Variants in RNFT2 observed in about 807,000 individuals in gnomAD.
RNFT2 encodes ring finger protein, transmembrane 2.
Under a neutral mutation model 53.0 loss-of-function variants are expected in RNFT2, and 36 were observed. That is an observed-to-expected ratio of 0.68 (90% CI 0.52 to 0.90). The LOEUF is 0.90. Among genes scored for constraint, RNFT2 ranks in the 40% least tolerant of loss-of-function variants. The pLI is 0.00. For missense variants in RNFT2, 514 were observed against 585.6 expected (o/e 0.88, Z 1.26); for synonymous variants, 260 against 253.2 (o/e 1.03, Z -0.26).
At chr12:116,777,790 C>T (rs894061554) in intron 6 of RNFT2, among the ~76,000 whole-genome samples, 20 of 152,282 alleles carry the variant, frequency 1.3e-4, no homozygotes, top group African/African-American at 4.6e-4. Context: ...CATGAGAACC[C>T]TGAGGCTTCC....
chr12:116,750,830 A>T (rs11832385), intron 4 of RNFT2, among the ~76,000 whole-genome samples: 5 of 1,502 alleles, frequency 3.3e-3, no homozygotes, highest in African/African-American at 4.0e-3. Context: ...TATATATATA[A>T]TATATATATT....
intron 3 of RNFT2, among the ~76,000 whole-genome samples, chr12:116,747,779 A>T (rs1445637520): frequency 6.6e-6 from 1 of 152,014 alleles, no homozygotes; most frequent in Non-Finnish European, 1.5e-5. Flanking sequence ...AGGGTGAGAG[A>T]AGGAGGGAGT....
intron 7 of RNFT2, among the ~76,000 whole-genome samples, chr12:116,808,445 C>T (rs939867565): frequency 6.6e-6 from 1 of 152,150 alleles, no homozygotes; most frequent in East Asian, 1.9e-4. Flanking sequence ...CACTCTGCCC[C>T]CTGGGAGACT....
chr12:116,845,795 C>T (rs1350180585), intron 10 of RNFT2, among the ~76,000 whole-genome samples: 1 of 152,060 alleles, frequency 6.6e-6, no homozygotes, highest in Admixed American at 6.6e-5. Context: ...CTCTCCTTTC[C>T]CCAATCCCTC....
intron 10 of RNFT2, among the ~76,000 whole-genome samples, chr12:116,836,878 C>A (rs1019362144): frequency 6.6e-6 from 1 of 151,684 alleles, no homozygotes; most frequent in African/African-American, 2.4e-5. Flanking sequence ...TGCAGTGAGC[C>A]GAGGTCATGC....
intron 5 of RNFT2, among the ~76,000 whole-genome samples, chr12:116,756,307 T>G (rs1038084746): frequency 7.2e-6 from 1 of 138,648 alleles, no homozygotes; most frequent in Non-Finnish European, 1.6e-5. Context: ...ATTCCTAAGG[T>G]TTTTTTTTGT....
Position 116,777,543 on chromosome 12 carries a change from T to G in RNFT2, c.729-1652T>G, listed in dbSNP as rs143052631. 1.3e-3 allele frequency among the ~76,000 whole-genome samples: 193 copies of G among 152,316 alleles called. 1 individual carries two copies. The highest frequency in any genetic ancestry group is 3.7e-3 in the Admixed American group (56 of 15,296). On this transcript the variant is annotated intron_variant, in intron 6 of 10. Transcript: ENST00000257575. ...TAGAGTATGGATGGAGAACTGTAAC[T>G]GCAGCCAGGATGTCTGGGTTCCAGG...
rs891261705 is a variant in RNFT2, at chr12:116,851,452, C to T, written c.*2004C>T. On this transcript the variant is annotated 3_prime_UTR_variant, in exon 11 of 11. Transcript: ENST00000257575. ...GCAGACACGGTCTTCTAAAAGCACA[C>T]GAGAGGCCGGGTGTGGTGGCCCATG... The T allele has an allele frequency of 1.3e-5, 5 of 395,162 alleles. No homozygotes were observed. Among genetic ancestry groups the T allele is most frequent in the East Asian group, 5.4e-5 (1 of 18,460 alleles). 24.5% of individuals were successfully genotyped at this position (395,162 alleles called of 1,614,324 possible).
At chr12:116,835,174 AAGAAACTGAGGTTCAGGGAGGTT>A (rs1384101718) in intron 8 of RNFT2, among the ~76,000 whole-genome samples, 2 of 152,136 alleles carry the variant, frequency 1.3e-5, no homozygotes, top group East Asian at 1.9e-4. Context: ...TTTACAGGTT[AAGAAACTGAGGTTCAGGGAGGTT>A]AGAAACTGAG....
At chr12:116,804,940 C>G (rs775038321) in intron 7 of RNFT2, among the ~76,000 whole-genome samples, 24 of 152,188 alleles carry the variant, frequency 1.6e-4, no homozygotes, top group Non-Finnish European at 2.5e-4. Context: ...GCACTCCATC[C>G]TGGGTGATGA....
intron 4 of RNFT2, among the ~76,000 whole-genome samples, chr12:116,750,881 T>TC (rs1438371204): frequency 1.1e-5 from 1 of 93,080 alleles, no homozygotes; most frequent in East Asian, 2.9e-4. Flanking sequence ...AATATATATA[T>TC]TATATATATA....
At chr12:116,823,041 A>G (rs79368525) in intron 7 of RNFT2, among the ~76,000 whole-genome samples, 5,762 of 152,238 alleles carry the variant, frequency 0.038, 167 homozygotes, top group African/African-American at 0.074. Context: ...ACAACTAGAG[A>G]ACTAGAGAAG....
intron 7 of RNFT2, among the ~76,000 whole-genome samples, chr12:116,795,087 A>G (rs1164137316): frequency 4.6e-5 from 7 of 151,820 alleles, no homozygotes; most frequent in African/African-American, 1.7e-4. Flanking sequence ...ATTATTAAAC[A>G]TTTGATGTGT....
intron 7 of RNFT2, among the ~76,000 whole-genome samples, chr12:116,798,105 T>C (rs1213345591): frequency 2.6e-5 from 4 of 152,036 alleles, no homozygotes; most frequent in Admixed American, 2.6e-4. Flanking sequence ...ACTGGTGTCC[T>C]TGTAAAGGAG....
chr12:116,825,726 G>T (rs1179155977), intron 7 of RNFT2, among the ~76,000 whole-genome samples: 1 of 152,156 alleles, frequency 6.6e-6, no homozygotes, highest in African/African-American at 2.4e-5. Context: ...TTCCAGCACA[G>T]CACTGCATGC....
intron 7 of RNFT2, among the ~76,000 whole-genome samples, chr12:116,822,233 G>A (rs1219055404): frequency 2.0e-5 from 3 of 152,042 alleles, no homozygotes; most frequent in African/African-American, 7.2e-5. Context: ...GACCAGGACT[G>A]ACCAATCATA....
intron 4 of RNFT2, among the ~76,000 whole-genome samples, chr12:116,750,823 ATATATAATATATATAT>A (rs1566069324): frequency 3.5e-3 from 12 of 3,464 alleles, no homozygotes; most frequent in East Asian, 0.031. Context: ...TATATATTAT[ATATATAATATATATAT>A]TATATATATA....
chr12:116,799,861 C>A (rs867795547), intron 7 of RNFT2, among the ~76,000 whole-genome samples: 3 of 152,182 alleles, frequency 2.0e-5, no homozygotes, highest in African/African-American at 7.2e-5. Flanking sequence ...TGTTTGTCCC[C>A]TCCAAATCTC....
In RNFT2 at chr12:116,852,948, G is replaced by T; in HGVS notation, c.*3500G>T. 1.7e-6 allele frequency: 1 copy of T among 589,598 alleles called. No homozygotes were observed. Among genetic ancestry groups the T allele is most frequent in the Non-Finnish European group, 3.0e-6 (1 of 333,852 alleles). The allele number at this position is 589,598 out of a possible 1,614,324, so 36.5% of individuals were successfully genotyped here. A position where few individuals can be genotyped will look rare whatever the true frequency, so the allele number is the denominator to read the frequency against. ...ACAAAATTCTCTAACACTGCAAAGA[G>T]TGAGCCATGCCTGTTAACACTGTAA... On this transcript the variant is annotated 3_prime_UTR_variant, in exon 11 of 11. Coordinates refer to ENST00000257575, the MANE Select transcript of RNFT2 (RefSeq NM_001382266.1).
Sources: allele counts gnomAD v4.1 joint callset (sites outside exome capture counted in the v4.1 genomes callset), GRCh38; gene constraint gnomAD v4.1.1; transcripts MANE v1.5; gene names NCBI Gene and HGNC (gene_info 2026-07-23, HGNC 2026-07-21).